The following KCTD7 variants were observed in gnomAD, a reference collection of about 807,000 sequenced individuals.
The protein encoded by KCTD7 is potassium channel tetramerization domain containing 7.
A neutral mutation model predicts 27.0 loss-of-function variants in KCTD7; 15 were observed. That is an observed-to-expected ratio of 0.56 (90% CI 0.37 to 0.86). The LOEUF (loss-of-function observed/expected upper bound fraction) is 0.86. KCTD7 is among the 40% of genes least tolerant of loss of function. The probability of loss-of-function intolerance (pLI) is 0.00; values close to 1 mark genes in which losing one functional copy is unlikely to be tolerated. For synonymous variants in KCTD7, 159 were observed against 162.7 expected (o/e 0.98, Z 0.17); for missense variants, 299 against 398.9 (o/e 0.75, Z 2.13).
At chr7:66,633,089 T>C (rs1029536208) in intron 1 of KCTD7, among the ~76,000 whole-genome samples, 186 bp from the exon 2 acceptor site, 2 of 148,722 alleles carry the variant, frequency 1.3e-5, no homozygotes, top group South Asian at 4.2e-4. Context: ...TTAGAATGGG[T>C]AGGACTTGGC....
intron 2 of KCTD7, among the ~76,000 whole-genome samples, chr7:66,635,210 C>T (rs1195374291): frequency 6.6e-6 from 1 of 151,948 alleles, no homozygotes; most frequent in Non-Finnish European, 1.5e-5. Flanking sequence ...TGAGGTTTCA[C>T]TATGTTGGCC....
chr7:66,633,464 A>T lies in KCTD7; in HGVS notation c.314+20A>T. 6.2e-7 allele frequency: 1 copy of T among 1,613,226 alleles called. No individual in the cohort carries two copies. Among genetic ancestry groups the T allele is most frequent in the South Asian group, 1.1e-5 (1 of 91,066 alleles). ...CTTTGGGTATGTCTCTCCCTCTACA[A>T]TCAACTTTGTAGTCCTAGCAGGTGA... On this transcript the variant is annotated intron_variant, in intron 2 of 3. Coordinates refer to ENST00000639828, the MANE Select transcript of KCTD7 (RefSeq NM_153033.5).
chr7:66,642,790 A>G lies in KCTD7; in HGVS notation c.*3558A>G, dbSNP rs1347338093. The stretch of plus-strand genomic sequence containing the variant: ...CTTTTTGGAATTCTGAAAGAATCAT[A>G]TCTGTGTATATACATACTGAGTGGG... On this transcript the variant is annotated 3_prime_UTR_variant, in exon 4 of 4. Coordinates refer to ENST00000639828, the MANE Select transcript of KCTD7 (RefSeq NM_153033.5). The G allele has an allele frequency of 2.2e-5, 22 of 985,182 alleles. No individual in the cohort carries two copies. Among genetic ancestry groups the G allele is most frequent in the Non-Finnish European group, 2.7e-5 (22 of 829,922 alleles). The allele number at this position is 985,182 out of a possible 1,614,324, so 61.0% of individuals were successfully genotyped here.
intron 1 of KCTD7, among the ~76,000 whole-genome samples, chr7:66,632,703 G>A (rs993380669): frequency 6.6e-6 from 1 of 151,934 alleles, no homozygotes; most frequent in African/African-American, 2.4e-5. Context: ...GAAGGCTTGA[G>A]CTCTAGAGCA....
At chr7:66,637,740 G>A (rs1480244451) in intron 2 of KCTD7, among the ~76,000 whole-genome samples, 1 of 152,034 alleles carries the variant, frequency 6.6e-6, no homozygotes, top group Non-Finnish European at 1.5e-5. Flanking sequence ...GGGATTAACT[G>A]GGAAGTGGCA....
At chr7:66,629,322 G>A (rs1584393053) in intron 1 of KCTD7, 114 bp downstream of exon 1, 2 of 789,362 alleles carry the variant, frequency 2.5e-6, no homozygotes, top group African/African-American at 1.8e-5. Flanking sequence ...GGCGGGGCCC[G>A]CGGACTTGCG....
Position 66,639,186 on chromosome 7 carries a change from A to G in KCTD7, c.824A>G (p.Tyr275Cys), listed in dbSNP as rs2116775809. Residue 275 changes from tyrosine to cysteine, a missense_variant, in exon 4 of 4, where the codon TAC becomes TGC. Tyr to Cys is a radical substitution (Grantham distance 194). Coordinates refer to ENST00000639828, the MANE Select transcript of KCTD7 (RefSeq NM_153033.5). ...TGTGACAAGCACCTCGTGAACCACT[A>G]CTACTGCAAGCGCCCCATCTATGAG... Reference protein sequence around the residue: ...GVCDKHLVNHYYCKRPIYEFK... With the variant: ...GVCDKHLVNHCYCKRPIYEFK... 7.4e-6 allele frequency: 12 copies of G among 1,613,900 alleles called. No homozygotes were observed. The highest frequency in any genetic ancestry group is 9.3e-6 in the Non-Finnish European group (11 of 1,180,014).
intron 2 of KCTD7, among the ~76,000 whole-genome samples, chr7:66,636,553 A>G (rs1786591337): frequency 1.3e-5 from 2 of 151,948 alleles, no homozygotes; most frequent in Non-Finnish European, 2.9e-5. Flanking sequence ...AGGTAGCAGC[A>G]TTATCTTGGG....
chr7:66,638,519 GGGCAGCATT>G lies in KCTD7; in HGVS notation c.493+89_493+97del. ...GTTTAGGTCTCCATCAGAACACCGG[GGGCAGCATT>G]CATCCAGATTACTCAAGATGCGATG... On this transcript the variant is annotated intron_variant, in intron 3 of 3. Coordinates refer to ENST00000639828, the MANE Select transcript of KCTD7 (RefSeq NM_153033.5). 3.7e-6 allele frequency: 5 copies of G among 1,362,268 alleles called. No homozygotes were observed. The South Asian group carries it at 6.3e-5, about 17-fold the overall frequency. The allele number at this position is 1,362,268 out of a possible 1,614,324, so 84.4% of individuals were successfully genotyped here.
intron 1 of KCTD7, among the ~76,000 whole-genome samples, chr7:66,632,083 G>A (rs1442172698): frequency 1.3e-5 from 2 of 152,212 alleles, no homozygotes; most frequent in Non-Finnish European, 2.9e-5. Context: ...CCTAGGGGCA[G>A]GTGAGGGACA....
intron 2 of KCTD7, among the ~76,000 whole-genome samples, chr7:66,635,560 T>C (rs1472036099): frequency 1.3e-5 from 2 of 150,100 alleles, no homozygotes; most frequent in Non-Finnish European, 3.0e-5. Context: ...CAGTCTGACA[T>C]TGGAGATGAC....
At chr7:66,630,417 T>C (rs1786418957) in intron 1 of KCTD7, among the ~76,000 whole-genome samples, 2 of 152,112 alleles carry the variant, frequency 1.3e-5, no homozygotes, top group South Asian at 4.1e-4. Context: ...ACAGACTCCA[T>C]CTCTACAAAT....
intron 2 of KCTD7, 45 bp downstream of exon 2, chr7:66,633,489 AT>A (rs1162975870): frequency 6.3e-7 from 1 of 1,591,026 alleles, no homozygotes; most frequent in East Asian, 2.2e-5. Flanking sequence ...CTAGCAGGTG[AT>A]TAGCGTAGGC....
downstream of KCTD7, chr7:66,643,112 C>T: frequency 3.0e-6 from 3 of 985,304 alleles, no homozygotes; most frequent in Non-Finnish European, 3.6e-6. Flanking sequence ...CCCACTTTGC[C>T]AGCAAATATT....
In KCTD7 at chr7:66,640,694, C is replaced by T. The variant is rs1009828628; in HGVS notation, c.*1462C>T. The T allele has an allele frequency of 1.2e-5, 15 of 1,237,668 alleles. No individual in the cohort carries two copies. The African/African-American group carries it at 2.0e-4, about 17-fold the overall frequency. 76.7% of individuals were successfully genotyped at this position (1,237,668 alleles called of 1,614,324 possible). On this transcript the variant is annotated 3_prime_UTR_variant, in exon 4 of 4. Coordinates refer to ENST00000639828, the MANE Select transcript of KCTD7 (RefSeq NM_153033.5). ...GCACACGCCTGTAGTCCAGGCCACTCGAGCACACACCTGTAGTACCAGCTA... is the reference window on the plus strand; with the variant it reads ...GCACACGCCTGTAGTCCAGGCCACTTGAGCACACACCTGTAGTACCAGCTA...
At chr7:66,631,990 C>T (rs1184345172) in intron 1 of KCTD7, among the ~76,000 whole-genome samples, 1 of 152,046 alleles carries the variant, frequency 6.6e-6, no homozygotes. Context: ...AAATAATTGG[C>T]GATGTATCGT....
chr7:66,630,127 C>G (rs1268377088), intron 1 of KCTD7, among the ~76,000 whole-genome samples: 1 of 152,078 alleles, frequency 6.6e-6, no homozygotes, highest in East Asian at 1.9e-4. Flanking sequence ...ATTAGCCAGG[C>G]TTGGTGGTGT....
At position 66,640,606 on chromosome 7, in the gene KCTD7, T is replaced by G. The variant is rs1038661417; in HGVS notation, c.*1374T>G. On this transcript the variant is annotated 3_prime_UTR_variant, in exon 4 of 4. Coordinates refer to ENST00000639828, the MANE Select transcript of KCTD7 (RefSeq NM_153033.5). Reference sequence around the variant, plus strand: ...TCTCTTCCTGGGTAAAGGGAGATTTTTTTTTTTAATGTGTAAAGAATTGAT... The same window carrying G: ...TCTCTTCCTGGGTAAAGGGAGATTTGTTTTTTTAATGTGTAAAGAATTGAT... The G allele has an allele frequency of 7.2e-5, 100 of 1,392,534 alleles. No homozygotes were observed. The highest frequency in any genetic ancestry group is 9.1e-5 in the Non-Finnish European group (98 of 1,078,654). The allele number at this position is 1,392,534 out of a possible 1,614,324, so 86.3% of individuals were successfully genotyped here.
At position 66,642,851 on chromosome 7, in the gene KCTD7, GAACA is replaced by G. The variant is rs1293946440; in HGVS notation, c.*3624_*3627del. ...GGTTGGCAGGGGTTGAGGGAGGTGG[GAACA>G]AACAGTGAGTATGGGAACAGGCAGT... On this transcript the variant is annotated 3_prime_UTR_variant, in exon 4 of 4. Coordinates refer to ENST00000639828, the MANE Select transcript of KCTD7 (RefSeq NM_153033.5). 1 of 985,200 alleles carries G rather than the reference GAACA, an allele frequency of 1.0e-6. No individual in the cohort carries two copies. The highest frequency in any genetic ancestry group is 6.2e-5 in the Admixed American group (1 of 16,236). The allele number at this position is 985,200 out of a possible 1,614,324, so 61.0% of individuals were successfully genotyped here.
Sources: allele counts gnomAD v4.1 joint callset (sites outside exome capture counted in the v4.1 genomes callset), GRCh38; gene constraint gnomAD v4.1.1; transcripts MANE v1.5; gene names NCBI Gene and HGNC (gene_info 2026-07-23, HGNC 2026-07-21).